Variants in PRAM1 observed in about 807,000 individuals in gnomAD.
PRAM1 encodes the protein PML-RARA-regulated adapter molecule 1.
A neutral mutation model predicts 55.3 loss-of-function variants in PRAM1; 41 were observed. That is an observed-to-expected ratio of 0.74 (90% CI 0.58 to 0.96). PRAM1 has a LOEUF of 0.96. PRAM1 is among the 40% of genes least tolerant of loss of function. PRAM1 has a pLI of 0.00. For missense variants in PRAM1, 898 were observed against 892.7 expected (o/e 1.01, Z -0.08); for synonymous variants, 401 against 387.1 (o/e 1.04, Z -0.42).
Position 8,501,027 on chromosome 19 carries a change from C to A in PRAM1, c.28-1247G>T, listed in dbSNP as rs151129871. On this transcript the variant is annotated intron_variant, in intron 1 of 9. Transcript: ENST00000423345. ...GTGATCCACCCTCCACCCGCCTCAGCCTCCCAAAGTGCTGGGATTACAGGT... is the reference window on the plus strand; with the variant it reads ...GTGATCCACCCTCCACCCGCCTCAGACTCCCAAAGTGCTGGGATTACAGGT... Among the ~76,000 whole-genome samples, 1,011 of 151,988 alleles carry A rather than the reference C, an allele frequency of 6.7e-3. 5 individuals carry two copies. Among genetic ancestry groups the A allele is most frequent in the Middle Eastern group, 0.027 (8 of 292 alleles).
intron 4 of PRAM1, among the ~76,000 whole-genome samples, chr19:8,495,392 G>T (rs1971684937): frequency 6.6e-6 from 1 of 152,152 alleles, no homozygotes; most frequent in South Asian, 2.1e-4. Flanking sequence ...GAGCCACCAC[G>T]CCCGGCCCCA....
chr19:8,498,182 C>T, intron 3 of PRAM1, 41 bp downstream of exon 3: 1 of 1,592,350 alleles, frequency 6.3e-7, no homozygotes, highest in African/African-American at 1.3e-5. Context: ...CTCTTTGAGC[C>T]CCACAATCCG....
At chr19:8,498,081 C>T (rs1971725444) in intron 3 of PRAM1, 142 bp downstream of exon 3, 1 of 910,506 alleles carries the variant, frequency 1.1e-6, no homozygotes, top group Non-Finnish European at 1.7e-6. Flanking sequence ...GGTTTCACCA[C>T]GTTGGCCAGG....
Position 8,498,783 on chromosome 19 carries a change from G to A in PRAM1, c.1025C>T (p.Pro342Leu). ...TSSEPEFNSL[P>L]RKLLQPERRG... ...GCGCTCCGGCTGCAGCAGCTTCCTG[G>A]GGAGTGAGTTGAACTCGGGCTCTGA... The change falls in exon 2 of 10, where the codon CCC (proline) becomes CTC (leucine). Residue 342 changes from proline (P) to leucine (L), a missense_variant. Physicochemically the swap from Pro to Leu is moderately conservative, Grantham distance 98. Transcript: ENST00000423345. 6.3e-7 allele frequency: 1 copy of A among 1,576,372 alleles called. No individual in the cohort carries two copies. The highest frequency in any genetic ancestry group is 8.6e-7 in the Non-Finnish European group (1 of 1,161,724).
chr19:8,502,470 C>CCCCCCCCCCCCCCCCCCCAGG, intron 1 of PRAM1, 95 bp downstream of exon 1: 1 of 429,242 alleles, frequency 2.3e-6, no homozygotes. Flanking sequence ...CCCCGCCCCC[C>CCCCCCCCCCCCCCCCCCCAGG]CGCCCGCCCC....
chr19:8,496,951 G>A (rs1030513657), intron 4 of PRAM1, among the ~76,000 whole-genome samples: 10 of 152,032 alleles, frequency 6.6e-5, no homozygotes, highest in African/African-American at 2.2e-4. Context: ...GCATGAACCC[G>A]GGAGGCGGAG....
In PRAM1 at chr19:8,497,791, C is replaced by A; in HGVS notation, c.1549G>T (p.Asp517Tyr). The A allele has an allele frequency of 1.2e-6, 2 of 1,611,680 alleles. No homozygotes were observed. Among genetic ancestry groups the A allele is most frequent in the East Asian group, 2.2e-5 (1 of 44,744 alleles). The change falls in exon 4 of 10, where the codon GAC becomes TAC. Residue 517 changes from aspartate (D) to tyrosine (Y), a missense_variant. Physicochemically the swap from Asp to Tyr is radical, Grantham distance 160. This residue lies in a region of PRAM1 where 787 missense variants were observed against 735.4 expected (regional missense o/e 1.07). Coordinates refer to ENST00000423345, the MANE Select transcript of PRAM1 (RefSeq NM_032152.5). The part of the protein sequence containing the change: ...ELYDDVEPRD[D>Y]SSPSPKGRDE... ...CTGCCCTTGGGGCTGGGGCTGGAGT[C>A]ATCTCTGGGTTCCACATCGTCATAC... is the stretch of plus-strand genomic sequence containing the variant.
Position 8,490,944 on chromosome 19 carries a change from CAA to C in PRAM1, c.1684_1685del (p.Leu562AlafsTer21), listed in dbSNP as rs1971616892. 1.2e-6 allele frequency: 2 copies of C among 1,613,732 alleles called. No individual in the cohort carries two copies. The highest frequency in any genetic ancestry group is 8.5e-7 in the Non-Finnish European group (1 of 1,179,916). Reference protein sequence around the residue: ...PQQLPPMDPKLLKQLRKAEKA... With the variant: ...PQQLPPMDPKXLKQLRKAEKA... The stretch of plus-strand genomic sequence containing the variant: ...TCTCTGCCTTCCTCAGCTGCTTCAG[CAA>C]CTTTGGGTCCATGGGTGGCAACTGC... On this transcript the variant is annotated frameshift_variant, in exon 6 of 10. Coordinates refer to ENST00000423345, the MANE Select transcript of PRAM1 (RefSeq NM_032152.5). LOFTEE classifies it high-confidence loss of function. The surrounding 1 kb of genome is among the most constrained non-coding windows in gnomAD (Gnocchi z 7.3).
chr19:8,490,330 C>G lies in PRAM1; in HGVS notation c.1975+8G>C. 1 of 1,613,898 alleles carries G rather than the reference C, an allele frequency of 6.2e-7. No individual in the cohort carries two copies. ...GGTCCCTCCAGCCCTCCCAGAGTGT[C>G]CACGTACCGCAGAAGTCGACATCAT... On this transcript the variant is annotated splice_region_variant and intron_variant, in intron 9 of 9. Transcript: ENST00000423345. This position sits in a 1 kb window ranked among gnomAD's most constrained non-coding sequence, Gnocchi z 7.3.
At chr19:8,495,952 G>C (rs937204130) in intron 4 of PRAM1, 7 of 412,316 alleles carry the variant, frequency 1.7e-5, no homozygotes, top group African/African-American at 1.4e-4. Context: ...TGTGGAGCTG[G>C]GCAGGAGGTG....
intron 4 of PRAM1, among the ~76,000 whole-genome samples, chr19:8,496,450 C>T (rs1477472582): frequency 3.3e-5 from 5 of 152,058 alleles, no homozygotes; most frequent in African/African-American, 4.8e-5. Flanking sequence ...TAAGGCCGGG[C>T]GCGGTGGCTC....
intron 1 of PRAM1, 58 bp from the exon 2 acceptor site, chr19:8,499,838 G>A (rs1313237698): frequency 7.0e-7 from 1 of 1,431,122 alleles, no homozygotes; most frequent in African/African-American, 1.4e-5. Flanking sequence ...GGCATGGAAG[G>A]ATGGGCCTGG....
chr19:8,490,960 G>C lies in PRAM1; in HGVS notation c.1670C>G (p.Pro557Arg), dbSNP rs1249871115. The C allele has an allele frequency of 6.2e-6, 10 of 1,613,616 alleles. No individual in the cohort carries two copies. Among genetic ancestry groups the C allele is most frequent in the East Asian group, 2.2e-5 (1 of 44,886 alleles). ...EKDPQPQQLP[P>R]MDPKLLKQLR... ...CTGCTTCAGCAACTTTGGGTCCATG[G>C]GTGGCAACTGCTGTGGCTGGGGATC... The change falls in exon 6 of 10, where the codon CCC (proline) becomes CGC (arginine). Residue 557 changes from proline (P) to arginine (R), a missense_variant. By Grantham distance (103) the Pro-to-Arg change is moderately radical. This residue lies in a region of PRAM1 where 787 missense variants were observed against 735.4 expected (regional missense o/e 1.07). Transcript: ENST00000423345. The surrounding 1 kb of genome is among the most constrained non-coding windows in gnomAD (Gnocchi z 7.3).
chr19:8,490,809 G>A lies in PRAM1; in HGVS notation c.1744-53C>T. On this transcript the variant is annotated intron_variant, in intron 6 of 9. Coordinates refer to ENST00000423345, the MANE Select transcript of PRAM1 (RefSeq NM_032152.5). The surrounding 1 kb of genome is among the most constrained non-coding windows in gnomAD (Gnocchi z 7.3). Reference sequence around the variant, plus strand: ...CTTGTGCTGCCGCCCTTGGGCCCCTGTCTTCTTTCTGAGCCTGGGATCGGT... The same window carrying A: ...CTTGTGCTGCCGCCCTTGGGCCCCTATCTTCTTTCTGAGCCTGGGATCGGT... 6.2e-7 allele frequency: 1 copy of A among 1,607,068 alleles called. No homozygotes were observed. Among genetic ancestry groups the A allele is most frequent in the Non-Finnish European group, 8.5e-7 (1 of 1,178,818 alleles).
rs763151689 is a variant in PRAM1 at position 8,490,727 on chromosome 19, C to T, written c.1773G>A (p.Lys591=). The part of the protein sequence containing the change: ...KFEGEIVVHT[K]MMIDPNAKTR... ...TCTTAGCGTTGGGGTCGATCATCAT[C>T]TTCGTGTGAACCACGATCTCCCCTT... Residue 591 remains lysine (K), a synonymous_variant, in exon 7 of 10, where the codon AAG becomes AAA. Coordinates refer to ENST00000423345, the MANE Select transcript of PRAM1 (RefSeq NM_032152.5). The surrounding 1 kb of genome is among the most constrained non-coding windows in gnomAD (Gnocchi z 7.3). 4 of 1,611,104 alleles carry T rather than the reference C, an allele frequency of 2.5e-6. No homozygotes were observed. The highest frequency in any genetic ancestry group is 2.7e-5 in the African/African-American group (2 of 74,918).
At position 8,498,785 on chromosome 19, in the gene PRAM1, G is replaced by C; in HGVS notation, c.1023C>G (p.Leu341=). Residue 341 remains leucine, a synonymous_variant, in exon 2 of 10, where the codon CTC becomes CTG. Coordinates refer to ENST00000423345, the MANE Select transcript of PRAM1 (RefSeq NM_032152.5). ...GCTCCGGCTGCAGCAGCTTCCTGGG[G>C]AGTGAGTTGAACTCGGGCTCTGAGG... The part of the protein sequence containing the change: ...RTSSEPEFNS[L]PRKLLQPERR... 3.8e-6 allele frequency: 6 copies of C among 1,576,490 alleles called. No individual in the cohort carries two copies. Among genetic ancestry groups the C allele is most frequent in the Non-Finnish European group, 5.2e-6 (6 of 1,161,770 alleles).
At chr19:8,492,235 G>GTT (rs35488462) in intron 4 of PRAM1, among the ~76,000 whole-genome samples, 1,962 of 142,794 alleles carry the variant, frequency 0.014, 26 homozygotes, top group African/African-American at 0.033. Context: ...GTGCCTAGCC[G>GTT]TTTTTTTTTT....
In PRAM1 at chr19:8,499,158, G is replaced by A. The variant is rs1234140071; in HGVS notation, c.650C>T (p.Ala217Val). ...PELSTFPKKPAQPEFNVYPKK... is the reference protein window; with the variant it reads ...PELSTFPKKPVQPEFNVYPKK... The stretch of plus-strand genomic sequence containing the variant: ...GGGGTACACGTTGAACTCAGGCTGC[G>A]CAGGCTTCTTGGGAAAGGTACTCAA... Residue 217 changes from alanine to valine, a missense_variant, in exon 2 of 10, where the codon GCG becomes GTG. Transcript: ENST00000423345. 1 of 1,613,872 alleles carries A rather than the reference G, an allele frequency of 6.2e-7. No homozygotes were observed. Among genetic ancestry groups the A allele is most frequent in the Non-Finnish European group, 8.5e-7 (1 of 1,179,862 alleles).
In PRAM1 at chr19:8,499,268, G is replaced by T. The variant is rs377365919; in HGVS notation, c.540C>A (p.Pro180=). 9 of 1,609,996 alleles carry T rather than the reference G, an allele frequency of 5.6e-6. No homozygotes were observed. In the African/African-American group the frequency reaches 1.2e-4, roughly 22 times the overall value. Residue 180 remains proline (P), a synonymous_variant, in exon 2 of 10, where the codon CCC becomes CCA. Coordinates refer to ENST00000423345, the MANE Select transcript of PRAM1 (RefSeq NM_032152.5). ...PDELSHPARP[P]SEPKSGAFPR... is the part of the protein sequence containing the mutation. Reference sequence around the variant, plus strand: ...GGAATGCGCCGGATTTGGGTTCGGAGGGGGGTCTGGCGGGGTGACTGAGTT... The same window carrying T: ...GGAATGCGCCGGATTTGGGTTCGGATGGGGGTCTGGCGGGGTGACTGAGTT...
Sources: gnomAD v4.1 joint callset for allele counts (sites outside exome capture counted in the v4.1 genomes callset) on GRCh38, gnomAD v4.1.1 for gene constraint, gnomAD v4.1.1 regional missense constraint, Gnocchi (gnomAD v3.1) non-coding constraint, MANE v1.5 for transcripts, NCBI Gene and HGNC (gene_info 2026-07-23, HGNC 2026-07-21) for gene names.